The following ACOXL variants were observed in gnomAD, a reference collection of about 807,000 sequenced individuals.
The protein encoded by ACOXL is acyl-CoA oxidase like.
Under a neutral mutation model 71.9 loss-of-function variants are expected in ACOXL, and 70 were observed. The ratio of observed to expected loss-of-function variants is 0.97; its 90% CI spans 0.80 to 1.19. The LOEUF is 1.19. Ranked by LOEUF, ACOXL falls within the 50% of genes most tolerant of loss-of-function variation. The pLI, the probability that ACOXL is intolerant of heterozygous loss-of-function variation, is 0.00. For synonymous variants in ACOXL, 253 were observed against 281.6 expected, an observed-to-expected ratio of 0.90 and a Z score of 1.02; for missense variants, 703 against 736.3, an observed-to-expected ratio of 0.95 and a Z score of 0.52.
chr2:110,851,045 T>G (rs1692539006), intron 10 of ACOXL, among the ~76,000 whole-genome samples: 1 of 152,168 alleles, frequency 6.6e-6, no homozygotes, highest in African/African-American at 2.4e-5. Flanking sequence ...TGATTCTTTT[T>G]GCATGACATT....
intron 7 of ACOXL, among the ~76,000 whole-genome samples, chr2:110,800,048 A>G (rs2105321425): frequency 6.6e-6 from 1 of 152,294 alleles, no homozygotes; most frequent in South Asian, 2.1e-4. Context: ...ATGGGAGGGG[A>G]CAAATAAGCA....
At chr2:110,739,973 A>G (rs1373877759) in intron 1 of ACOXL, among the ~76,000 whole-genome samples, 2 of 152,208 alleles carry the variant, frequency 1.3e-5, no homozygotes, top group African/African-American at 4.8e-5. Flanking sequence ...TCTGATATCC[A>G]GAACTTGTAG....
At chr2:110,766,697 A>G (rs1358565682) in intron 1 of ACOXL, among the ~76,000 whole-genome samples, 1 of 152,112 alleles carries the variant, frequency 6.6e-6, no homozygotes, top group African/African-American at 2.4e-5. Context: ...TCAGCTTCCC[A>G]TTGGGTCCTG....
chr2:111,011,246 T>C (rs1370205286), intron 14 of ACOXL, among the ~76,000 whole-genome samples: 2 of 152,102 alleles, frequency 1.3e-5, no homozygotes, highest in Non-Finnish European at 2.9e-5. Flanking sequence ...CAGACTGTTA[T>C]AGGTAAAGAC....
chr2:110,825,221 C>G (rs1689031977), intron 9 of ACOXL, among the ~76,000 whole-genome samples: 1 of 152,170 alleles, frequency 6.6e-6, no homozygotes, highest in Non-Finnish European at 1.5e-5. Context: ...CTCAATTTTC[C>G]TGGTTCCTTC....
chr2:111,091,503 A>G (rs2068521787), intron 16 of ACOXL, among the ~76,000 whole-genome samples: 1 of 152,224 alleles, frequency 6.6e-6, no homozygotes, highest in Non-Finnish European at 1.5e-5. Flanking sequence ...ATATTTTTGT[A>G]GCACATAAGA....
chr2:111,059,003 G>A (rs1257370543), intron 16 of ACOXL, among the ~76,000 whole-genome samples: 1 of 152,178 alleles, frequency 6.6e-6, no homozygotes, highest in African/African-American at 2.4e-5. Context: ...ACTTTGGGAG[G>A]CTGAGGAAGA....
chr2:110,899,612 A>G (rs138366221), intron 10 of ACOXL, among the ~76,000 whole-genome samples: 1,625 of 152,214 alleles, frequency 0.011, 36 homozygotes, highest in African/African-American at 0.038. Context: ...TCTTCATGCA[A>G]TTTTTTAAAA....
chr2:110,891,714 T>C (rs1697948222), intron 10 of ACOXL, among the ~76,000 whole-genome samples: 1 of 152,164 alleles, frequency 6.6e-6, no homozygotes, highest in Non-Finnish European at 1.5e-5. Flanking sequence ...GGAAAGTGCT[T>C]TGGTATCAGT....
At chr2:111,016,840 G>A (rs571709769) in intron 14 of ACOXL, 5 of 152,580 alleles carry the variant, frequency 3.3e-5, no homozygotes, top group Admixed American at 3.3e-4. Flanking sequence ...AGGCAGATGG[G>A]CCCTAGAGAG....
intron 9 of ACOXL, among the ~76,000 whole-genome samples, chr2:110,805,787 A>G (rs1686564122): frequency 6.6e-6 from 1 of 152,256 alleles, no homozygotes; most frequent in South Asian, 2.1e-4. Flanking sequence ...GTTGATCCTC[A>G]TGTGTCTGTA....
intron 10 of ACOXL, among the ~76,000 whole-genome samples, chr2:110,905,746 G>A (rs1051106347): frequency 6.6e-6 from 1 of 152,156 alleles, no homozygotes; most frequent in African/African-American, 2.4e-5. Context: ...CCAGCAGATT[G>A]CATTATGGGA....
intron 12 of ACOXL, among the ~76,000 whole-genome samples, chr2:110,962,199 C>A (rs1419742580): frequency 6.6e-6 from 1 of 152,206 alleles, no homozygotes; most frequent in Non-Finnish European, 1.5e-5. Context: ...AGTCCCAGCA[C>A]AGTATCTAGC....
chr2:110,908,941 A>G (rs745356219), intron 11 of ACOXL, 36 bp downstream of exon 11: 1 of 1,462,558 alleles, frequency 6.8e-7, no homozygotes, highest in Admixed American at 1.8e-5. Context: ...TCTTAGGGTA[A>G]GTGTGATACC....
chr2:110,894,718 A>G (rs1253086934), intron 10 of ACOXL, among the ~76,000 whole-genome samples: 5 of 152,174 alleles, frequency 3.3e-5, no homozygotes, highest in Non-Finnish European at 5.9e-5. Context: ...GTGGTGTTAC[A>G]GGAGGCCAAC....
chr2:111,017,359 C>T (rs567691717), intron 14 of ACOXL, among the ~76,000 whole-genome samples: 33 of 152,310 alleles, frequency 2.2e-4, no homozygotes, highest in Admixed American at 5.2e-4. Context: ...GCAATCTTAC[C>T]GCAGAACTGA....
At chr2:111,075,319 T>C (rs1402285711) in intron 16 of ACOXL, among the ~76,000 whole-genome samples, 1 of 152,170 alleles carries the variant, frequency 6.6e-6, no homozygotes, top group African/African-American at 2.4e-5. Flanking sequence ...TGATCCTTGG[T>C]AACATGAAAT....
chr2:111,030,268 G>C (rs1023916419), intron 14 of ACOXL, among the ~76,000 whole-genome samples: 1 of 152,180 alleles, frequency 6.6e-6, no homozygotes, highest in Admixed American at 6.5e-5. Flanking sequence ...GCCAGCTCTT[G>C]TCCTCCCCCT....
intron 16 of ACOXL, among the ~76,000 whole-genome samples, chr2:111,063,016 T>G (rs1300604893): frequency 5.9e-5 from 9 of 152,088 alleles, no homozygotes; most frequent in Non-Finnish European, 1.2e-4. Context: ...CTAAGGAAAA[T>G]TCTATGCCCA....
Sources: gnomAD v4.1 joint callset for allele counts (sites outside exome capture counted in the v4.1 genomes callset) on GRCh38, gnomAD v4.1.1 for gene constraint, MANE v1.5 for transcripts, NCBI Gene and HGNC (gene_info 2026-07-23, HGNC 2026-07-21) for gene names.